Variants in LRBA observed in about 807,000 individuals in gnomAD.
LRBA encodes lipopolysaccharide-responsive and beige-like anchor protein.
Under a neutral mutation model 330.0 loss-of-function variants are expected in LRBA, and 176 were observed. That is an observed-to-expected ratio of 0.53 (90% confidence interval 0.47 to 0.60). The LOEUF is 0.60. Ranked by LOEUF, LRBA falls within the 20% of genes least tolerant of loss-of-function variation. The pLI is 0.00. For missense variants in LRBA, 3,259 were observed against 3,444.8 expected (o/e 0.95, Z 1.35); for synonymous variants, 1,230 against 1,193.0 (o/e 1.03, Z -0.64).
intron 47 of LRBA, among the ~76,000 whole-genome samples, chr4:150,363,696 C>T (rs753069243): frequency 6.6e-6 from 1 of 152,194 alleles, no homozygotes; most frequent in Non-Finnish European, 1.5e-5. Context: ...CTGTCTGCTT[C>T]TCATAATGGC....
In LRBA at chr4:150,430,392, T is replaced by C. The variant is rs192280276; in HGVS notation, c.7041+5197A>G. ...CCCACTGCACCCAGGATAAAGTTCA[T>C]CCTCTTTCACAAAGCAGAAGGCCCC... On this transcript the variant is annotated intron_variant, in intron 46 of 56. Coordinates refer to ENST00000651943, the MANE Select transcript of LRBA (RefSeq NM_001364905.1). Among the ~76,000 whole-genome samples, 431 of 152,290 alleles carry C rather than the reference T, an allele frequency of 2.8e-3. 8 individuals are homozygous for C. The highest frequency in any genetic ancestry group is 0.027 in the Admixed American group (408 of 15,276).
chr4:150,607,222 C>T (rs1774739617), intron 37 of LRBA, among the ~76,000 whole-genome samples: 2 of 152,122 alleles, frequency 1.3e-5, no homozygotes, highest in South Asian at 4.2e-4. Context: ...ACAGAGACAG[C>T]ATCAGGCTTT....
intron 2 of LRBA, among the ~76,000 whole-genome samples, chr4:150,936,608 C>T (rs1237187972): frequency 6.6e-6 from 1 of 151,914 alleles, no homozygotes; most frequent in Non-Finnish European, 1.5e-5. Context: ...ATGATTATAA[C>T]TTCAAAATAA....
rs1390934360 is a variant in LRBA at position 150,908,486 on chromosome 4, C to G, written c.1360-19G>C. On this transcript the variant is annotated intron_variant, in intron 10 of 56. Coordinates refer to ENST00000651943, the MANE Select transcript of LRBA (RefSeq NM_001364905.1). ...TTACATCCTTGTAAGATCAAAAACACAGTAAAGAGTTCAATGATTTTTTTT... is the reference window on the plus strand; with the variant it reads ...TTACATCCTTGTAAGATCAAAAACAGAGTAAAGAGTTCAATGATTTTTTTT... 1 of 1,574,934 alleles carries G rather than the reference C, an allele frequency of 6.3e-7. No individual in the cohort carries two copies.
intron 37 of LRBA, among the ~76,000 whole-genome samples, chr4:150,682,399 C>T (rs904855997): frequency 4.6e-5 from 7 of 152,112 alleles, no homozygotes; most frequent in African/African-American, 1.7e-4. Flanking sequence ...AACATTAAAA[C>T]AAACAAACAA....
intron 36 of LRBA, among the ~76,000 whole-genome samples, chr4:150,690,262 G>C (rs1289584529): frequency 6.6e-6 from 1 of 151,990 alleles, no homozygotes; most frequent in Non-Finnish European, 1.5e-5. Context: ...CCAGCACTTT[G>C]GGAGGCCGAG....
intron 36 of LRBA, among the ~76,000 whole-genome samples, chr4:150,716,292 C>T (rs1560720869): frequency 2.6e-5 from 4 of 151,996 alleles, no homozygotes; most frequent in Non-Finnish European, 4.4e-5. Flanking sequence ...ACTAAAAATA[C>T]AAAATCTAGC....
At chr4:150,467,069 C>T (rs898133679) in intron 44 of LRBA, among the ~76,000 whole-genome samples, 1 of 152,008 alleles carries the variant, frequency 6.6e-6, no homozygotes, top group Admixed American at 6.6e-5. Flanking sequence ...TCAAAGACTA[C>T]AAACAGTGTC....
intron 40 of LRBA, among the ~76,000 whole-genome samples, chr4:150,570,270 G>C (rs1561367478): frequency 6.6e-6 from 1 of 152,026 alleles, no homozygotes; most frequent in African/African-American, 2.4e-5. Flanking sequence ...GGGGCTAAAA[G>C]GCCTGTCTCA....
chr4:150,295,718 C>T (rs4696254), intron 53 of LRBA, among the ~76,000 whole-genome samples: 132,293 of 152,226 alleles, frequency 0.87, 58,181 homozygotes, highest in Non-Finnish European at 0.93. Context: ...TAGGTACTTA[C>T]ATATGTAGCT....
At position 150,928,861 on chromosome 4, in the gene LRBA, T is replaced by C; in HGVS notation, c.421A>G (p.Ile141Val). 1.9e-6 allele frequency: 3 copies of C among 1,613,918 alleles called. No homozygotes were observed. The highest frequency in any genetic ancestry group is 2.5e-6 in the Non-Finnish European group (3 of 1,179,890). ...VGLVEKVLGK[I>V]EKVDNMIADL... ...GCTATCATATTGTCAACTTTTTCAA[T>C]TTTCCCAAGCACTTTTTCAACAAGG... is the stretch of plus-strand genomic sequence containing the variant. Residue 141 changes from isoleucine to valine, a missense_variant, in exon 3 of 57, where the codon ATT becomes GTT. Transcript: ENST00000651943.
intron 56 of LRBA, among the ~76,000 whole-genome samples, chr4:150,274,373 A>G (rs1469608489): frequency 1.3e-5 from 2 of 152,210 alleles, no homozygotes; most frequent in African/African-American, 4.8e-5. Flanking sequence ...TTTAAAATCA[A>G]CACCCTAACA....
chr4:150,657,725 T>TA (rs894711785), intron 37 of LRBA, among the ~76,000 whole-genome samples: 3 of 152,262 alleles, frequency 2.0e-5, no homozygotes, highest in African/African-American at 4.8e-5. Context: ...CCAAAAATAT[T>TA]AAAAAACTGA....
chr4:150,993,434 T>G (rs1052224575), intron 2 of LRBA, among the ~76,000 whole-genome samples: 1 of 152,036 alleles, frequency 6.6e-6, no homozygotes, highest in Non-Finnish European at 1.5e-5. Context: ...CTAGGCATAG[T>G]AGGCTCACAC....
chr4:150,832,743 T>G (rs1376301933), intron 28 of LRBA, among the ~76,000 whole-genome samples: 1 of 152,026 alleles, frequency 6.6e-6, no homozygotes, highest in African/African-American at 2.4e-5. Flanking sequence ...AAACTGAAGC[T>G]ATTAGATACA....
At chr4:150,888,455 T>C (rs1729164307) in intron 17 of LRBA, among the ~76,000 whole-genome samples, 1 of 152,150 alleles carries the variant, frequency 6.6e-6, no homozygotes, top group Non-Finnish European at 1.5e-5. Context: ...AAGTAAAACT[T>C]ATTAACTGTC....
chr4:150,632,750 T>G (rs1186185403), intron 37 of LRBA, among the ~76,000 whole-genome samples: 1 of 152,186 alleles, frequency 6.6e-6, no homozygotes, highest in African/African-American at 2.4e-5. Flanking sequence ...ATCCAACAAC[T>G]AAGTCTCAGC....
At chr4:150,532,693 A>C (rs1349338593) in intron 40 of LRBA, among the ~76,000 whole-genome samples, 2 of 152,114 alleles carry the variant, frequency 1.3e-5, no homozygotes, top group Non-Finnish European at 2.9e-5. Flanking sequence ...TGTCATATAA[A>C]ACAGAAAGAG....
At chr4:150,905,270 T>A (rs1190278914) in intron 13 of LRBA, among the ~76,000 whole-genome samples, 1 of 152,084 alleles carries the variant, frequency 6.6e-6, no homozygotes, top group Admixed American at 6.5e-5. Context: ...GACTAGTATA[T>A]CATGCCTTCA....
Sources: gnomAD v4.1 joint callset for allele counts (sites outside exome capture counted in the v4.1 genomes callset) on GRCh38, gnomAD v4.1.1 for gene constraint, MANE v1.5 for transcripts, NCBI Gene and HGNC (gene_info 2026-07-23, HGNC 2026-07-21) for gene names.